The following TBC1D10A variants were observed in gnomAD, a reference collection of about 807,000 sequenced individuals.
The protein encoded by TBC1D10A is EBP50-PDX interactor of 64 kDa.
Under a neutral mutation model 52.9 loss-of-function variants are expected in TBC1D10A, and 24 were observed. That is an observed-to-expected ratio of 0.45 (90% confidence interval 0.33 to 0.64). The LOEUF (loss-of-function observed/expected upper bound fraction) is 0.64, where lower values mean the gene tolerates loss of function less well. TBC1D10A is among the 30% of genes least tolerant of loss of function. The pLI is 0.02. For missense variants in TBC1D10A, 602 were observed against 687.9 expected (o/e 0.88, Z 1.40); for synonymous variants, 278 against 282.9 (o/e 0.98, Z 0.17).
intron 1 of TBC1D10A, among the ~76,000 whole-genome samples, chr22:30,306,815 C>T (rs983732464): frequency 1.3e-5 from 2 of 152,316 alleles, no homozygotes; most frequent in South Asian, 2.1e-4. Context: ...CAGCACTCAG[C>T]GTACCACATG....
rs2145758835 is a variant in TBC1D10A, at chr22:30,292,206, G to C, written c.*169C>G. 2 of 582,758 alleles carry C rather than the reference G, an allele frequency of 3.4e-6. No individual in the cohort carries two copies. Among genetic ancestry groups the C allele is most frequent in the Non-Finnish European group, 2.9e-6 (1 of 346,926 alleles). 36.1% of individuals were successfully genotyped at this position (582,758 alleles called of 1,614,324 possible). ...TAAAGAAAATAAATAAGGAGGCTCA[G>C]GCAGAATCTGTGTTGGACCAGGCAG... On this transcript the variant is annotated 3_prime_UTR_variant, in exon 9 of 9. Transcript: ENST00000215790.
rs1447644866 is a variant in TBC1D10A, at chr22:30,292,021, A to G, written c.*354T>C. 8.7e-6 allele frequency: 2 copies of G among 230,604 alleles called. No individual in the cohort carries two copies. The highest frequency in any genetic ancestry group is 1.7e-5 in the Non-Finnish European group (2 of 119,704). The allele number at this position is 230,604 out of a possible 1,614,324, so 14.3% of individuals were successfully genotyped here. Reference sequence around the variant, plus strand: ...TACAAGGCTGTTTATTTCTGTACAAAACCATGTTTCTATTTTACACAAAGA... The same window carrying G: ...TACAAGGCTGTTTATTTCTGTACAAGACCATGTTTCTATTTTACACAAAGA... On this transcript the variant is annotated 3_prime_UTR_variant, in exon 9 of 9. Transcript: ENST00000215790.
rs185340672 is a variant in TBC1D10A at position 30,310,069 on chromosome 22, T to C, written c.210-5439A>G. Among the ~76,000 whole-genome samples the C allele has an allele frequency of 7.2e-4, 109 of 152,222 alleles. 1 individual carries two copies. Among genetic ancestry groups the C allele is most frequent in the African/African-American group, 2.5e-3 (105 of 41,534 alleles). ...ACAGGACTGATCCTCCTCTCACCCA[T>C]AGGGGAAACCAGGTGGGGTGTAGGG... On this transcript the variant is annotated intron_variant, in intron 1 of 8. Coordinates refer to ENST00000215790, the MANE Select transcript of TBC1D10A (RefSeq NM_031937.3).
At chr22:30,312,520 G>T (rs1601677622) in intron 1 of TBC1D10A, among the ~76,000 whole-genome samples, 1 of 152,184 alleles carries the variant, frequency 6.6e-6, no homozygotes, top group East Asian at 1.9e-4. Context: ...CACAGGGCAA[G>T]ACCTTTTCTC....
intron 1 of TBC1D10A, among the ~76,000 whole-genome samples, chr22:30,308,979 CCT>C (rs1462148690): frequency 2.0e-5 from 3 of 152,200 alleles, no homozygotes; most frequent in Non-Finnish European, 4.4e-5. Flanking sequence ...CAGGGCTTCC[CCT>C]CTGTCACAGT....
chr22:30,313,331 T>G (rs1263413210), intron 1 of TBC1D10A, among the ~76,000 whole-genome samples: 2 of 141,592 alleles, frequency 1.4e-5, no homozygotes, highest in African/African-American at 5.4e-5. Context: ...ACCTAGCTGG[T>G]GCTCAATAAA....
intron 1 of TBC1D10A, among the ~76,000 whole-genome samples, chr22:30,312,729 T>C (rs1473587583): frequency 1.3e-5 from 2 of 152,104 alleles, no homozygotes; most frequent in African/African-American, 4.8e-5. Context: ...TTTGGTGCCA[T>C]CATCTTGGGA....
At chr22:30,302,989 A>G (rs1930233481) in intron 2 of TBC1D10A, among the ~76,000 whole-genome samples, 1 of 152,244 alleles carries the variant, frequency 6.6e-6, no homozygotes, top group Admixed American at 6.5e-5. Context: ...TGTTTTTTAA[A>G]AAAGAGATAG....
At chr22:30,324,200 C>T (rs914410222) in intron 1 of TBC1D10A, among the ~76,000 whole-genome samples, 1 of 152,162 alleles carries the variant, frequency 6.6e-6, no homozygotes, top group African/African-American at 2.4e-5. Context: ...TGAGGGCTAA[C>T]GTTTCACTTC....
chr22:30,305,146 T>C (rs1052959534), intron 1 of TBC1D10A, among the ~76,000 whole-genome samples: 1 of 152,206 alleles, frequency 6.6e-6, no homozygotes, highest in African/African-American at 2.4e-5. Flanking sequence ...CCAGTAACTT[T>C]GCTGGAATGC....
intron 8 of TBC1D10A, 91 bp downstream of exon 8, chr22:30,293,560 C>G: frequency 6.5e-7 from 1 of 1,528,266 alleles, no homozygotes; most frequent in Non-Finnish European, 8.8e-7. Context: ...TAGGATCCAC[C>G]CTCAGGGGCT....
chr22:30,308,284 A>ATGCC (rs1555973979), intron 1 of TBC1D10A, among the ~76,000 whole-genome samples: 14 of 119,664 alleles, frequency 1.2e-4, no homozygotes, highest in South Asian at 5.6e-4. Flanking sequence ...CACAGCCTGC[A>ATGCC]TGCCTGCATG....
rs1929977622 is a variant in TBC1D10A at position 30,292,761 on chromosome 22, A to C, written c.1141T>G (p.Cys381Gly). The C allele has an allele frequency of 2.7e-5, 44 of 1,611,954 alleles. 1 individual carries two copies. Among genetic ancestry groups the C allele is most frequent in the Non-Finnish European group, 3.6e-5 (43 of 1,179,830 alleles). Residue 381 changes from cysteine (C) to glycine (G), a missense_variant, in exon 9 of 9, where the codon TGC (cysteine) becomes GGC (glycine). By Grantham distance (159) the Cys-to-Gly change is radical. Transcript: ENST00000215790. ...RWQETRGELQ[C>G]RSPPRLHGAK... ...CCATGCAGCCTGGGCGGGGAGCGGCACTGCAGCTCACCCCGGGTCTCCTGC... is the reference window on the plus strand; with the variant it reads ...CCATGCAGCCTGGGCGGGGAGCGGCCCTGCAGCTCACCCCGGGTCTCCTGC...
chr22:30,317,263 C>A (rs1348899923), intron 1 of TBC1D10A, among the ~76,000 whole-genome samples: 1 of 151,998 alleles, frequency 6.6e-6, no homozygotes, highest in Non-Finnish European at 1.5e-5. Context: ...CAAAAATTAG[C>A]CGGGCATGGT....
At chr22:30,318,999 T>G (rs1377272777) in intron 1 of TBC1D10A, among the ~76,000 whole-genome samples, 4 of 152,116 alleles carry the variant, frequency 2.6e-5, no homozygotes, top group Non-Finnish European at 5.9e-5. Context: ...TTCCCTAACC[T>G]ACCCTTGCTT....
At chr22:30,308,277 A>AGCCTGCATGCCTGCATGCATGCCTGCCT (rs1930350457) in intron 1 of TBC1D10A, among the ~76,000 whole-genome samples, 1 of 81,172 alleles carries the variant, frequency 1.2e-5, no homozygotes, top group East Asian at 4.9e-4. Flanking sequence ...GCCTCCACAC[A>AGCCTGCATGCCTGCATGCATGCCTGCCT]GCCTGCATGC....
At chr22:30,301,045 G>A (rs1569160461) in intron 2 of TBC1D10A, among the ~76,000 whole-genome samples, 1 of 152,174 alleles carries the variant, frequency 6.6e-6, no homozygotes, top group Non-Finnish European at 1.5e-5. Context: ...GAAAATTCGT[G>A]GGGGAAATTT....
chr22:30,295,124 C>T (rs992195888), intron 4 of TBC1D10A, 69 bp from the exon 5 acceptor site: 3 of 1,461,192 alleles, frequency 2.1e-6, no homozygotes, highest in Admixed American at 1.8e-5. Flanking sequence ...CACCTATGCC[C>T]CAGTGGACCA....
At chr22:30,308,284 A>ATGCCTGCCTGCCTGCC (rs1555973979) in intron 1 of TBC1D10A, among the ~76,000 whole-genome samples, 159 of 119,746 alleles carry the variant, frequency 1.3e-3, no homozygotes, top group Middle Eastern at 4.1e-3. Flanking sequence ...CACAGCCTGC[A>ATGCCTGCCTGCCTGCC]TGCCTGCATG....
Sources: gnomAD v4.1 joint callset for allele counts (sites outside exome capture counted in the v4.1 genomes callset) on GRCh38, gnomAD v4.1.1 for gene constraint, MANE v1.5 for transcripts, NCBI Gene and HGNC (gene_info 2026-07-23, HGNC 2026-07-21) for gene names.